The following SLC6A3 variants were observed in gnomAD, a reference collection of about 807,000 sequenced individuals.
The protein encoded by SLC6A3 is solute carrier family 6 member 3.
A neutral mutation model predicts 70.4 loss-of-function variants in SLC6A3; 19 were observed. The ratio of observed to expected loss-of-function variants is 0.27; its 90% CI spans 0.19 to 0.40. The LOEUF (loss-of-function observed/expected upper bound fraction) is 0.40. Among genes scored for constraint, SLC6A3 ranks in the 10% least tolerant of loss-of-function variants. SLC6A3 has a pLI of 1.00. For missense variants in SLC6A3, 613 were observed against 838.5 expected, an observed-to-expected ratio of 0.73 and a Z score of 3.32; for synonymous variants, 368 against 356.6, an observed-to-expected ratio of 1.03 and a Z score of -0.36.
At chr5:1,416,788 C>T (rs182844675) in intron 6 of SLC6A3, among the ~76,000 whole-genome samples, 105 of 150,346 alleles carry the variant, frequency 7.0e-4, no homozygotes, top group Non-Finnish European at 1.3e-3. Flanking sequence ...CAGAAGAGCA[C>T]GGACTCATCC....
At position 1,396,922 on chromosome 5, in the gene SLC6A3, G is replaced by A. The variant is rs1363307879; in HGVS notation, c.1840-2164C>T. On this transcript the variant is annotated intron_variant, in intron 14 of 14. Coordinates refer to ENST00000270349, the MANE Select transcript of SLC6A3 (RefSeq NM_001044.5). This position sits in a 1 kb window ranked among gnomAD's most constrained non-coding sequence, Gnocchi z 7.0. The stretch of plus-strand genomic sequence containing the variant: ...GGGCAAGGGAAAGATCAAGCTAGAC[G>A]CAGATACAGAATGGGTGAGGGGCAG... Among the ~76,000 whole-genome samples the A allele has an allele frequency of 1.3e-5, 2 of 152,188 alleles. No homozygotes were observed. Among genetic ancestry groups the A allele is most frequent in the Admixed American group, 6.5e-5 (1 of 15,284 alleles).
intron 4 of SLC6A3, among the ~76,000 whole-genome samples, chr5:1,431,768 CTG>C (rs1305614078): frequency 1.3e-5 from 2 of 152,062 alleles, no homozygotes; most frequent in Non-Finnish European, 2.9e-5. Flanking sequence ...CTGGGGAGGA[CTG>C]TGCAGGTCAG....
At chr5:1,439,549 A>T (rs566435792) in intron 3 of SLC6A3, among the ~76,000 whole-genome samples, 1 of 152,314 alleles carries the variant, frequency 6.6e-6, no homozygotes, top group African/African-American at 2.4e-5. Flanking sequence ...TGACCTCAGC[A>T]GCTGTGAAAT....
rs1382550504 is a variant in SLC6A3 at position 1,397,401 on chromosome 5, A to AG, written c.1840-2644dup. On this transcript the variant is annotated intron_variant, in intron 14 of 14. Coordinates refer to ENST00000270349, the MANE Select transcript of SLC6A3 (RefSeq NM_001044.5). The surrounding 1 kb of genome is among the most constrained non-coding windows in gnomAD (Gnocchi z 4.7). ...AGCCGAGATTGCGCCACTGCACTCC[A>AG]GCCTGGGCTACAGAGCGAGACTCCG... Among the ~76,000 whole-genome samples the AG allele has an allele frequency of 1.3e-5, 2 of 152,232 alleles. No individual in the cohort carries two copies. The highest frequency in any genetic ancestry group is 1.3e-4 in the Admixed American group (2 of 15,280).
rs564801683 is a variant in SLC6A3 at position 1,437,721 on chromosome 5, C to T, written c.418+3638G>A. On this transcript the variant is annotated intron_variant, in intron 3 of 14. Transcript: ENST00000270349. The surrounding 1 kb of genome is among the most constrained non-coding windows in gnomAD (Gnocchi z 4.8). ...TCCCAGTTAGGAGCAGGGAGCAGCT[C>T]GCAGGTCTGCAGGAGGGGAAGGGCC... Among the ~76,000 whole-genome samples, 199 of 152,280 alleles carry T rather than the reference C, an allele frequency of 1.3e-3. 1 individual carries two copies. Among genetic ancestry groups the T allele is most frequent in the Non-Finnish European group, 1.8e-3 (122 of 68,028 alleles).
rs760871529 is a variant in SLC6A3 at position 1,441,416 on chromosome 5, C to T, written c.361G>A (p.Gly121Ser). ...MPLFYMELAL[G>S]QFNREGAAGV... ...GCGGCCCCTTCCCTGTTGAACTGGC[C>T]GAGGGCCAGCTCCATGTAGAAAAGT... Residue 121 changes from glycine to serine, a missense_variant, in exon 3 of 15, where the codon GGC becomes AGC. Gly to Ser is a moderately conservative substitution (Grantham distance 56). This residue lies in a region of SLC6A3 where 153 missense variants were observed against 249.4 expected (regional missense o/e 0.61). Coordinates refer to ENST00000270349, the MANE Select transcript of SLC6A3 (RefSeq NM_001044.5). The T allele has an allele frequency of 3.7e-6, 6 of 1,614,176 alleles. No homozygotes were observed. The highest frequency in any genetic ancestry group is 4.2e-6 in the Non-Finnish European group (5 of 1,180,028).
At chr5:1,443,350 A>T (rs1318688803) in intron 1 of SLC6A3, 108 bp from the exon 2 acceptor site, 7 of 875,924 alleles carry the variant, frequency 8.0e-6, no homozygotes, top group Non-Finnish European at 1.3e-5. Context: ...ATTCACGGGC[A>T]TTCCTCTGGG....
chr5:1,408,916 C>T lies in SLC6A3; in HGVS notation c.1498+110G>A. The T allele has an allele frequency of 2.6e-6, 2 of 775,814 alleles. No homozygotes were observed. Among genetic ancestry groups the T allele is most frequent in the South Asian group, 1.5e-5 (1 of 68,832 alleles). 48.1% of individuals were successfully genotyped at this position (775,814 alleles called of 1,614,324 possible). ...CTGCGGAGCTGTGATGACCACAACCCAGGCTTCCTGCAGCTGAAAGGTGTT... is the reference window on the plus strand; with the variant it reads ...CTGCGGAGCTGTGATGACCACAACCTAGGCTTCCTGCAGCTGAAAGGTGTT... On this transcript the variant is annotated intron_variant, in intron 11 of 14. Transcript: ENST00000270349. This position sits in a 1 kb window ranked among gnomAD's most constrained non-coding sequence, Gnocchi z 6.4.
Position 1,408,511 on chromosome 5 carries a change from G to C in SLC6A3, c.1498+515C>G, listed in dbSNP as rs922185429. On this transcript the variant is annotated intron_variant, in intron 11 of 14. Transcript: ENST00000270349. This position sits in a 1 kb window ranked among gnomAD's most constrained non-coding sequence, Gnocchi z 6.4. ...GGGGAAAGGGCAGCCCTGGCTCCAG[G>C]CTGGGTTTTCTGTTGCTGTTTAAAC... Among the ~76,000 whole-genome samples, 1 of 152,150 alleles carries C rather than the reference G, an allele frequency of 6.6e-6. No individual in the cohort carries two copies. The highest frequency in any genetic ancestry group is 1.5e-5 in the Non-Finnish European group (1 of 68,012).
In SLC6A3 at chr5:1,402,085, C is replaced by T. The variant is rs1032791419; in HGVS notation, c.1767+837G>A. 6.6e-6 allele frequency among the ~76,000 whole-genome samples: 1 copy of T among 152,268 alleles called. No homozygotes were observed. Among genetic ancestry groups the T allele is most frequent in the African/African-American group, 2.4e-5 (1 of 41,558 alleles). On this transcript the variant is annotated intron_variant, in intron 13 of 14. Coordinates refer to ENST00000270349, the MANE Select transcript of SLC6A3 (RefSeq NM_001044.5). This position sits in a 1 kb window ranked among gnomAD's most constrained non-coding sequence, Gnocchi z 8.5. The stretch of plus-strand genomic sequence containing the variant: ...TGAGCCCAGGGGACACCGTGTGGCC[C>T]TAAGGTGGAATCCTTGAACACAGCT...
chr5:1,428,864 A>G (rs114262281), intron 4 of SLC6A3, among the ~76,000 whole-genome samples: 1 of 152,360 alleles, frequency 6.6e-6, no homozygotes, highest in African/African-American at 2.4e-5. Context: ...GAGGACCTGT[A>G]GTAAAAACGC....
Position 1,406,395 on chromosome 5 carries a change from C to A in SLC6A3, c.1499-107G>T. 1 of 981,458 alleles carries A rather than the reference C, an allele frequency of 1.0e-6. No homozygotes were observed. The highest frequency in any genetic ancestry group is 1.6e-6 in the Non-Finnish European group (1 of 613,090). 60.8% of individuals were successfully genotyped at this position (981,458 alleles called of 1,614,324 possible). ...CTCCCAAGGGCCCCACCTACCGGCC[C>A]CAGGCTTCGGCTGCACCCAGCCTCC... On this transcript the variant is annotated intron_variant, in intron 11 of 14. Transcript: ENST00000270349. This position sits in a 1 kb window ranked among gnomAD's most constrained non-coding sequence, Gnocchi z 8.8.
rs544844437 is a variant in SLC6A3 at position 1,405,260 on chromosome 5, C to A, written c.1599+928G>T. Among the ~76,000 whole-genome samples the A allele has an allele frequency of 1.3e-5, 2 of 152,334 alleles. No homozygotes were observed. The highest frequency in any genetic ancestry group is 3.9e-4 in the East Asian group (2 of 5,188). On this transcript the variant is annotated intron_variant, in intron 12 of 14. Transcript: ENST00000270349. The surrounding 1 kb of genome is among the most constrained non-coding windows in gnomAD (Gnocchi z 5.3). Reference sequence around the variant, plus strand: ...ATGTTGAGCTCCTCCGGGATAGGGCCTGTCTCTCATCTCTTTCCTGTACCC... The same window carrying A: ...ATGTTGAGCTCCTCCGGGATAGGGCATGTCTCTCATCTCTTTCCTGTACCC...
chr5:1,415,756 C>T (rs891817406), intron 7 of SLC6A3, among the ~76,000 whole-genome samples: 8 of 152,022 alleles, frequency 5.3e-5, no homozygotes, highest in Non-Finnish European at 1.2e-4. Flanking sequence ...GGACAGAGAC[C>T]CCCCGGGGCT....
chr5:1,405,127 C>G lies in SLC6A3; in HGVS notation c.1599+1061G>C, dbSNP rs1257554389. Among the ~76,000 whole-genome samples the G allele has an allele frequency of 6.6e-6, 1 of 152,226 alleles. No homozygotes were observed. The highest frequency in any genetic ancestry group is 1.5e-5 in the Non-Finnish European group (1 of 68,044). On this transcript the variant is annotated intron_variant, in intron 12 of 14. Coordinates refer to ENST00000270349, the MANE Select transcript of SLC6A3 (RefSeq NM_001044.5). The surrounding 1 kb of genome is among the most constrained non-coding windows in gnomAD (Gnocchi z 5.3). Reference sequence around the variant, plus strand: ...CAGGAACCTTCAACGGGAGCCTTCACAAGCGCAGTTAACTGGACTTGGAAC... The same window carrying G: ...CAGGAACCTTCAACGGGAGCCTTCAGAAGCGCAGTTAACTGGACTTGGAAC...
intron 4 of SLC6A3, among the ~76,000 whole-genome samples, chr5:1,429,110 G>A (rs1184441520): frequency 2.6e-5 from 4 of 152,170 alleles, no homozygotes; most frequent in African/African-American, 4.8e-5. Context: ...GCAGGAACCC[G>A]ACATCCTTTG....
chr5:1,411,222 C>T lies in SLC6A3; in HGVS notation c.1269+21G>A, dbSNP rs370982248. On this transcript the variant is annotated intron_variant, in intron 9 of 14. Coordinates refer to ENST00000270349, the MANE Select transcript of SLC6A3 (RefSeq NM_001044.5). The surrounding 1 kb of genome is among the most constrained non-coding windows in gnomAD (Gnocchi z 6.5). ...GGAACCCAACTGCCGAGGACAGGGC[C>T]GGGCGGTGCGGGTTACTCACGGCGC... 2.0e-5 allele frequency: 30 copies of T among 1,504,778 alleles called. No individual in the cohort carries two copies. The highest frequency in any genetic ancestry group is 7.9e-5 in the Admixed American group (4 of 50,916). The allele number at this position is 1,504,778 out of a possible 1,614,324, so 93.2% of individuals were successfully genotyped here.
At position 1,442,775 on chromosome 5, in the gene SLC6A3, G is replaced by A. The variant is rs551791114; in HGVS notation, c.286+137C>T. The A allele has an allele frequency of 2.1e-5, 18 of 867,786 alleles. No homozygotes were observed. The highest frequency in any genetic ancestry group is 9.7e-5 in the East Asian group (4 of 41,308). The allele number at this position is 867,786 out of a possible 1,614,324, so 53.8% of individuals were successfully genotyped here. A position where few individuals can be genotyped will look rare whatever the true frequency, so the allele number is the denominator to read the frequency against. Reference sequence around the variant, plus strand: ...GACATCCTCTGGGAGGATCTGCACCGGCCGTGAGCTCTCACAGGGAGCTCC... The same window carrying A: ...GACATCCTCTGGGAGGATCTGCACCAGCCGTGAGCTCTCACAGGGAGCTCC... On this transcript the variant is annotated intron_variant, in intron 2 of 14. Transcript: ENST00000270349. This position sits in a 1 kb window ranked among gnomAD's most constrained non-coding sequence, Gnocchi z 5.0.
chr5:1,399,451 G>A (rs1755793833), intron 14 of SLC6A3, among the ~76,000 whole-genome samples: 1 of 152,222 alleles, frequency 6.6e-6, no homozygotes, highest in Non-Finnish European at 1.5e-5. Flanking sequence ...CCAAGAAAAA[G>A]AGAGGAAGAA....
Sources: allele counts gnomAD v4.1 joint callset (sites outside exome capture counted in the v4.1 genomes callset), GRCh38; gene constraint gnomAD v4.1.1; regional missense constraint gnomAD v4.1.1; non-coding constraint Gnocchi (gnomAD v3.1); transcripts MANE v1.5; gene names NCBI Gene and HGNC (gene_info 2026-07-23, HGNC 2026-07-21).